The following PAK6 variants were observed in gnomAD, a reference collection of about 807,000 sequenced individuals.
PAK6 encodes the protein serine/threonine-protein kinase PAK 6.
PAK6 carries 33 observed loss-of-function variants against 60.8 expected under a neutral mutation model. That is an observed-to-expected ratio of 0.54 (90% confidence interval 0.41 to 0.73). PAK6 has a LOEUF of 0.73. PAK6 is among the 30% of genes least tolerant of loss of function. The pLI is 0.00. For missense variants in PAK6, 845 were observed against 904.1 expected, an observed-to-expected ratio of 0.93 and a Z score of 0.84; for synonymous variants, 404 against 378.5, an observed-to-expected ratio of 1.07 and a Z score of -0.78.
chr15:40,272,576 G>A (rs752954384), exon 6 of PAK6: 17 of 1,613,136 alleles, frequency 1.1e-5, no homozygotes, highest in South Asian at 8.8e-5. Flanking sequence ...GGTGACCCCC[G>A]GCTGCTGCTG....
intron 3 of PAK6, among the ~76,000 whole-genome samples, chr15:40,254,092 T>C (rs527557770): frequency 1.3e-5 from 2 of 152,270 alleles, no homozygotes; most frequent in South Asian, 4.1e-4. Context: ...GAAGACACAT[T>C]TGGAACCGAA....
intron 5 of PAK6, 42 bp from the exon 6 acceptor site, chr15:40,272,182 G>A (rs200296826): frequency 1.3e-6 from 2 of 1,564,102 alleles, no homozygotes; most frequent in Non-Finnish European, 1.7e-6. Context: ...TATTCCAAAT[G>A]CTCCCACAGC....
chr15:40,276,078 A>G (rs1218737752), exon 11 of PAK6: 2 of 1,613,488 alleles, frequency 1.2e-6, no homozygotes, highest in Non-Finnish European at 1.7e-6. Context: ...TACCGAAAGC[A>G]GACCTCCACC....
exon 7 of PAK6, chr15:40,272,902 G>A: frequency 6.2e-7 from 1 of 1,614,110 alleles, no homozygotes; most frequent in Non-Finnish European, 8.5e-7. Flanking sequence ...CTTCAACGTG[G>A]TGGAGATGTA....
chr15:40,274,534 G>A (rs1413954210), intron 10 of PAK6, among the ~76,000 whole-genome samples: 1 of 152,268 alleles, frequency 6.6e-6, no homozygotes, highest in Admixed American at 6.5e-5. Context: ...GTTGCTGCTT[G>A]GCAGGCACTG....
At chr15:40,265,769 C>A in intron 4 of PAK6, 73 bp from the exon 5 acceptor site, 2 of 1,397,774 alleles carry the variant, frequency 1.4e-6, no homozygotes, top group Non-Finnish European at 1.9e-6. Flanking sequence ...CATTCTCTGA[C>A]CCTGATCTCC....
chr15:40,248,449 C>G lies in PAK6; in HGVS notation c.-117-4729C>G, dbSNP rs546222564. Among the ~76,000 whole-genome samples the G allele has an allele frequency of 3.9e-5, 6 of 152,340 alleles. No homozygotes were observed. The South Asian group carries it at 1.2e-3, about 32-fold the overall frequency. ...CTCTAGGAGCCCCAGCTCCACAGGG[C>G]TCCTCCTGCCAAGCATCCAGCACAC... On this transcript the variant is annotated intron_variant, in intron 2 of 10. Coordinates refer to ENST00000560346, the Ensembl canonical transcript of PAK6.
At chr15:40,250,315 G>A (rs530049698) in intron 2 of PAK6, among the ~76,000 whole-genome samples, 101 of 152,294 alleles carry the variant, frequency 6.6e-4, no homozygotes, top group African/African-American at 2.3e-3. Flanking sequence ...GGGGCGGATC[G>A]TGCAACCCGG....
At chr15:40,241,365 G>A (rs1823237160) in intron 2 of PAK6, among the ~76,000 whole-genome samples, 2 of 152,212 alleles carry the variant, frequency 1.3e-5, no homozygotes, top group Admixed American at 1.3e-4. Flanking sequence ...CCTGAGGCTG[G>A]TTCTGGTGGG....
rs538604532 is a variant in PAK6, at chr15:40,246,914, G to C, written c.-118+6233G>C. 2.6e-5 allele frequency: 4 copies of C among 152,474 alleles called. No homozygotes were observed. In the East Asian group the frequency reaches 7.7e-4, roughly 29 times the overall value. The allele number at this position is 152,474 out of a possible 1,614,324, so 9.4% of individuals were successfully genotyped here. Reference sequence around the variant, plus strand: ...TGTTCCCAGGGGGCTGCACAGCCCAGAGCCTGTGAGTTTTGTGCATCTGGA... The same window carrying C: ...TGTTCCCAGGGGGCTGCACAGCCCACAGCCTGTGAGTTTTGTGCATCTGGA... On this transcript the variant is annotated intron_variant, in intron 2 of 10. Transcript: ENST00000560346.
intron 7 of PAK6, 131 bp from the exon 8 acceptor site, chr15:40,273,215 G>A: frequency 8.1e-7 from 1 of 1,238,012 alleles, no homozygotes; most frequent in Non-Finnish European, 1.1e-6. Flanking sequence ...GCTATGGCCT[G>A]ACTGTGCTGC....
exon 5 of PAK6, chr15:40,266,160 G>C: frequency 6.2e-7 from 1 of 1,609,038 alleles, no homozygotes. Flanking sequence ...TGGGCTGGCT[G>C]CAAAGGCACA....
intron 2 of PAK6, chr15:40,252,657 C>G: frequency 1.5e-6 from 2 of 1,321,610 alleles, no homozygotes; most frequent in Non-Finnish European, 2.0e-6. Flanking sequence ...GCTCCCACGA[C>G]CTCTTCGAGC....
exon 1 of PAK6, chr15:40,239,625 T>C (rs900056): frequency 0.95 from 145,566 of 152,570 alleles, 69,611 homozygotes; most frequent in South Asian, 0.99. Flanking sequence ...TCAGGCTGCC[T>C]GTGTGTGTCC....
At chr15:40,257,577 A>T (rs2140965550) in intron 3 of PAK6, among the ~76,000 whole-genome samples, 1 of 152,356 alleles carries the variant, frequency 6.6e-6, no homozygotes, top group Middle Eastern at 3.4e-3. Flanking sequence ...GAGTTCTGGA[A>T]ATGCCAGAGC....
At chr15:40,276,016 C>A (rs771376083) in exon 11 of PAK6, 1 of 1,613,772 alleles carries the variant, frequency 6.2e-7, no homozygotes, top group Admixed American at 1.7e-5. Context: ...TAGACCACCC[C>A]TTCCTGCTGC....
chr15:40,259,822 T>A (rs890161435), intron 3 of PAK6: 8 of 151,372 alleles, frequency 5.3e-5, no homozygotes, highest in African/African-American at 1.9e-4. Flanking sequence ...TGTTTTTTTT[T>A]AGAGAAGCAA....
chr15:40,255,832 T>A (rs34705030), intron 3 of PAK6, among the ~76,000 whole-genome samples: 17,000 of 152,068 alleles, frequency 0.11, 1,041 homozygotes, highest in Non-Finnish European at 0.14. Context: ...AGCCTCCTGT[T>A]GGGAATGCCA....
intron 2 of PAK6, chr15:40,252,965 G>A: frequency 1.4e-6 from 1 of 699,278 alleles, no homozygotes; most frequent in South Asian, 1.9e-5. Flanking sequence ...AGTGTGGCTG[G>A]AGAGGGGCCG....
Sources: allele counts gnomAD v4.1 joint callset (sites outside exome capture counted in the v4.1 genomes callset), GRCh38; gene constraint gnomAD v4.1.1; transcripts MANE v1.5; gene names NCBI Gene and HGNC (gene_info 2026-07-23, HGNC 2026-07-21).